Variants in KIF6 observed in about 807,000 individuals in gnomAD.
The protein encoded by KIF6 is kinesin-like protein KIF6.
A neutral mutation model predicts 112.7 loss-of-function variants in KIF6; 106 were observed. The observed-to-expected ratio is 0.94, with a 90% CI of 0.80 to 1.11. The LOEUF (loss-of-function observed/expected upper bound fraction) is 1.11, where lower values mean the gene tolerates loss of function less well. Among genes scored for constraint, KIF6 ranks in the 50% least tolerant of loss-of-function variants. The pLI is 0.00. For synonymous variants in KIF6, 339 were observed against 339.9 expected (o/e 1.00, Z 0.03); for missense variants, 929 against 964.0 (o/e 0.96, Z 0.48).
chr6:39,495,122 G>T (rs1775708296), intron 13 of KIF6, among the ~76,000 whole-genome samples: 1 of 152,200 alleles, frequency 6.6e-6, no homozygotes, highest in Non-Finnish European at 1.5e-5. Context: ...TTCCCAAAGA[G>T]CCACAAAATG....
At chr6:39,599,701 G>A (rs188314773) in intron 6 of KIF6, among the ~76,000 whole-genome samples, 151 of 152,202 alleles carry the variant, frequency 9.9e-4, no homozygotes, top group African/African-American at 3.2e-3. Context: ...TGTGATAGTC[G>A]CACAACAATA....
At chr6:39,465,261 G>C (rs1161930751) in intron 13 of KIF6, among the ~76,000 whole-genome samples, 1 of 152,210 alleles carries the variant, frequency 6.6e-6, no homozygotes, top group Non-Finnish European at 1.5e-5. Context: ...TGTCTTCATA[G>C]AGCATGGCAA....
chr6:39,417,592 C>G (rs949465073), intron 15 of KIF6, among the ~76,000 whole-genome samples: 1 of 152,118 alleles, frequency 6.6e-6, no homozygotes, highest in African/African-American at 2.4e-5. Flanking sequence ...GTTGGTTGGC[C>G]CTTGGCTCTT....
At chr6:39,369,287 G>A (rs776075884) in intron 16 of KIF6, among the ~76,000 whole-genome samples, 20 of 152,032 alleles carry the variant, frequency 1.3e-4, no homozygotes, top group Admixed American at 3.3e-4. Flanking sequence ...ACACCTTAGC[G>A]GACCCAAGCA....
At chr6:39,359,382 A>T (rs1764953577) in intron 18 of KIF6, among the ~76,000 whole-genome samples, 1 of 152,248 alleles carries the variant, frequency 6.6e-6, no homozygotes, top group African/African-American at 2.4e-5. Context: ...AAATATGCAA[A>T]AAATTATCTG....
intron 13 of KIF6, among the ~76,000 whole-genome samples, chr6:39,447,876 CA>C (rs1356139061): frequency 2.0e-5 from 3 of 152,002 alleles, no homozygotes; most frequent in African/African-American, 7.2e-5. Flanking sequence ...CCTGGATTGC[CA>C]AAACCAGTGG....
intron 22 of KIF6, among the ~76,000 whole-genome samples, chr6:39,337,164 TTTCCTTCC>T (rs766759632): frequency 0.028 from 1,982 of 71,958 alleles, 114 homozygotes; most frequent in African/African-American, 0.1. Flanking sequence ...CTTTTCTTTC[TTTCCTTCC>T]TTCTTTCTTT....
chr6:39,417,895 G>A (rs1466295643), intron 15 of KIF6, among the ~76,000 whole-genome samples: 1 of 152,146 alleles, frequency 6.6e-6, no homozygotes, highest in African/African-American at 2.4e-5. Context: ...GTTTATAAAA[G>A]GTCTTCTCTC....
At chr6:39,676,553 A>T (rs1787151374) in intron 3 of KIF6, among the ~76,000 whole-genome samples, 1 of 152,130 alleles carries the variant, frequency 6.6e-6, no homozygotes, top group Non-Finnish European at 1.5e-5. Context: ...ACATGCACAG[A>T]TTTTTTAAAT....
At chr6:39,712,333 A>G (rs1433687459) in intron 3 of KIF6, among the ~76,000 whole-genome samples, 1 of 152,154 alleles carries the variant, frequency 6.6e-6, no homozygotes, top group Non-Finnish European at 1.5e-5. Flanking sequence ...GGAAAAAAAA[A>G]AGAATACAAG....
intron 16 of KIF6, among the ~76,000 whole-genome samples, chr6:39,374,175 G>C (rs1766249029): frequency 6.6e-6 from 1 of 152,120 alleles, no homozygotes; most frequent in South Asian, 2.1e-4. Flanking sequence ...ATATCCACAT[G>C]CTCAAGAATA....
chr6:39,712,204 G>A (rs1378942579), intron 3 of KIF6, among the ~76,000 whole-genome samples: 2 of 151,972 alleles, frequency 1.3e-5, no homozygotes, highest in Admixed American at 6.6e-5. Flanking sequence ...AAAGGCAAAA[G>A]CAGCTATATT....
intron 4 of KIF6, 68 bp downstream of exon 4, chr6:39,639,542 T>C: frequency 1.6e-6 from 2 of 1,234,554 alleles, no homozygotes; most frequent in Non-Finnish European, 2.2e-6. Flanking sequence ...CATAATAAAT[T>C]TCCTGCTTTC....
At chr6:39,436,598 T>G (rs1771549069) in intron 13 of KIF6, among the ~76,000 whole-genome samples, 1 of 152,178 alleles carries the variant, frequency 6.6e-6, no homozygotes, top group Non-Finnish European at 1.5e-5. Flanking sequence ...TATCCAATTT[T>G]CCAAGTACCA....
intron 15 of KIF6, among the ~76,000 whole-genome samples, chr6:39,417,709 G>A (rs1473952032): frequency 7.0e-6 from 1 of 143,862 alleles, no homozygotes; most frequent in East Asian, 2.1e-4. Flanking sequence ...ACAGTTATGG[G>A]GAATTTGTAG....
chr6:39,478,082 G>C (rs1774547766), intron 13 of KIF6, among the ~76,000 whole-genome samples: 1 of 152,042 alleles, frequency 6.6e-6, no homozygotes, highest in African/African-American at 2.4e-5. Context: ...GGGAACAGGT[G>C]GTATTTGGTT....
chr6:39,684,193 A>T (rs946350445), intron 3 of KIF6, among the ~76,000 whole-genome samples: 4 of 152,316 alleles, frequency 2.6e-5, no homozygotes, highest in African/African-American at 9.6e-5. Context: ...TAGCTACCAC[A>T]GTATGATGTT....
At chr6:39,593,984 T>G (rs1383907867) in intron 7 of KIF6, among the ~76,000 whole-genome samples, 1 of 152,220 alleles carries the variant, frequency 6.6e-6, no homozygotes, top group African/African-American at 2.4e-5. Flanking sequence ...AAAGGACTGT[T>G]TCTATTTTGT....
chr6:39,677,458 C>T (rs1043958763), intron 3 of KIF6, among the ~76,000 whole-genome samples: 2 of 151,778 alleles, frequency 1.3e-5, no homozygotes, highest in African/African-American at 2.4e-5. Flanking sequence ...AATGGATAAA[C>T]GTGGAATATT....
Sources: allele counts gnomAD v4.1 joint callset (sites outside exome capture counted in the v4.1 genomes callset), GRCh38; gene constraint gnomAD v4.1.1; transcripts MANE v1.5; gene names NCBI Gene and HGNC (gene_info 2026-07-23, HGNC 2026-07-21).